SEL1L2: variants seen among roughly 807,000 people sequenced by gnomAD.
SEL1L2 encodes the protein SEL1L2 adaptor subunit of SYVN1 ubiquitin ligase.
SEL1L2 carries 89 observed loss-of-function variants against 98.8 expected under a neutral mutation model. That is an observed-to-expected ratio of 0.90 (90% confidence interval 0.76 to 1.07). The LOEUF (loss-of-function observed/expected upper bound fraction) is 1.07. SEL1L2 is among the 50% of genes least tolerant of loss of function. The pLI is 0.00. For missense variants in SEL1L2, 788 were observed against 812.0 expected, an observed-to-expected ratio of 0.97 and a Z score of 0.36; for synonymous variants, 262 against 278.5, an observed-to-expected ratio of 0.94 and a Z score of 0.59.
chr20:13,980,466 C>T lies in SEL1L2; in HGVS notation c.58+10011G>A, dbSNP rs190204954. 2.8e-4 allele frequency among the ~76,000 whole-genome samples: 42 copies of T among 152,198 alleles called. 1 individual carries two copies. The East Asian group carries it at 3.5e-3, about 13-fold the overall frequency. On this transcript the variant is annotated intron_variant, in intron 1 of 19. Coordinates refer to ENST00000284951, the MANE Select transcript of SEL1L2 (RefSeq NM_025229.2). Reference sequence around the variant, plus strand: ...CAGGTGATCCACCTGCCTCGGCCTCCCAGAGTGCTGGGATTACAGGTGTGA... The same window carrying T: ...CAGGTGATCCACCTGCCTCGGCCTCTCAGAGTGCTGGGATTACAGGTGTGA...
intron 5 of SEL1L2, among the ~76,000 whole-genome samples, chr20:13,905,505 A>G (rs558850118): frequency 1.1e-3 from 168 of 151,984 alleles, no homozygotes; most frequent in Non-Finnish European, 2.1e-3. Flanking sequence ...TAGTAGAGAC[A>G]GGGTTTCACC....
chr20:13,974,955 T>C (rs1023762462), intron 1 of SEL1L2, among the ~76,000 whole-genome samples: 18 of 152,300 alleles, frequency 1.2e-4, no homozygotes, highest in African/African-American at 4.3e-4. Flanking sequence ...TTTTTCTCCC[T>C]AAATCTCTCA....
intron 1 of SEL1L2, among the ~76,000 whole-genome samples, chr20:13,961,002 A>T (rs763975900): frequency 6.6e-6 from 1 of 152,228 alleles, no homozygotes; most frequent in African/African-American, 2.4e-5. Flanking sequence ...CAGCTCTAGA[A>T]TTATAGCTCT....
intron 14 of SEL1L2, among the ~76,000 whole-genome samples, chr20:13,867,859 C>G (rs1038842051): frequency 6.6e-5 from 10 of 152,124 alleles, no homozygotes; most frequent in Non-Finnish European, 1.3e-4. Context: ...CAACCTCAAC[C>G]CCCCAAGATA....
At chr20:13,870,509 T>C (rs1279401989) in intron 12 of SEL1L2, among the ~76,000 whole-genome samples, 2 of 152,172 alleles carry the variant, frequency 1.3e-5, no homozygotes, top group African/African-American at 4.8e-5. Context: ...AGGTAAAAGA[T>C]GAAGAAGCCA....
intron 2 of SEL1L2, among the ~76,000 whole-genome samples, chr20:13,939,662 ATTCTTTTT>A (rs2049651254): frequency 6.4e-5 from 1 of 15,510 alleles, no homozygotes; most frequent in South Asian, 6.3e-3. Flanking sequence ...AAACACCCTT[ATTCTTTTT>A]TTTTTTTTTT....
In SEL1L2 at chr20:13,866,867, T is replaced by A. The variant is rs1991127537; in HGVS notation, c.1256-17A>T. The A allele has an allele frequency of 6.3e-7, 1 of 1,597,210 alleles. No homozygotes were observed. Among genetic ancestry groups the A allele is most frequent in the Non-Finnish European group, 8.5e-7 (1 of 1,174,008 alleles). On this transcript the variant is annotated splice_polypyrimidine_tract_variant and intron_variant, in intron 14 of 19. Transcript: ENST00000284951. ...CAGAGCCAGCTGAAAATTAAAATTG[T>A]TTTGAGCCACCCCTTATTGACTTTA...
intron 5 of SEL1L2, among the ~76,000 whole-genome samples, chr20:13,893,230 C>T (rs1038331959): frequency 4.6e-5 from 7 of 152,128 alleles, no homozygotes; most frequent in Admixed American, 4.6e-4. Flanking sequence ...GGTCACACTT[C>T]GATTTTGCAC....
chr20:13,980,330 C>T (rs968358779), intron 1 of SEL1L2, among the ~76,000 whole-genome samples: 13 of 152,216 alleles, frequency 8.5e-5, no homozygotes, highest in African/African-American at 3.1e-4. Context: ...ATTCTCCTGC[C>T]TCAGGCTCCC....
intron 5 of SEL1L2, among the ~76,000 whole-genome samples, chr20:13,890,768 C>T (rs542715201): frequency 6.6e-6 from 1 of 151,844 alleles, no homozygotes; most frequent in South Asian, 2.1e-4. Context: ...ATAAAGAAAA[C>T]AAAATCTGGA....
At chr20:13,969,910 C>T (rs546181713) in intron 1 of SEL1L2, among the ~76,000 whole-genome samples, 4 of 152,116 alleles carry the variant, frequency 2.6e-5, no homozygotes, top group Non-Finnish European at 5.9e-5. Context: ...ACCCATCATC[C>T]GTTCTTGGTA....
chr20:13,981,325 G>A lies in SEL1L2; in HGVS notation c.58+9152C>T, dbSNP rs149011043. Among the ~76,000 whole-genome samples, 736 of 152,272 alleles carry A rather than the reference G, an allele frequency of 4.8e-3. 5 individuals carry two copies. Among genetic ancestry groups the A allele is most frequent in the African/African-American group, 0.017 (691 of 41,558 alleles). On this transcript the variant is annotated intron_variant, in intron 1 of 19. Coordinates refer to ENST00000284951, the MANE Select transcript of SEL1L2 (RefSeq NM_025229.2). ...GGGAGGGGGGTGTGGGGAATGGGGA[G>A]AGGTTGGTCAAAGAGTACAGTTTCA...
intron 2 of SEL1L2, among the ~76,000 whole-genome samples, chr20:13,945,827 G>A (rs1026206459): frequency 1.3e-5 from 2 of 151,876 alleles, no homozygotes; most frequent in African/African-American, 4.8e-5. Context: ...AAATGAAAGA[G>A]GAGAAAAGCA....
intron 2 of SEL1L2, among the ~76,000 whole-genome samples, chr20:13,945,236 C>T (rs1192582276): frequency 2.0e-5 from 3 of 152,124 alleles, no homozygotes; most frequent in Non-Finnish European, 1.5e-5. Context: ...GTTTGGTGCT[C>T]AAAATCAGTT....
At chr20:13,906,449 T>C (rs2047933504) in intron 5 of SEL1L2, among the ~76,000 whole-genome samples, 1 of 152,194 alleles carries the variant, frequency 6.6e-6, no homozygotes, top group Admixed American at 6.5e-5. Flanking sequence ...TCATTACTTT[T>C]AGCTCAAATT....
intron 5 of SEL1L2, among the ~76,000 whole-genome samples, chr20:13,890,703 C>A (rs961468793): frequency 6.6e-6 from 1 of 151,912 alleles, no homozygotes; most frequent in Non-Finnish European, 1.5e-5. Flanking sequence ...TAATGACTTA[C>A]CTAACAAATA....
At chr20:13,859,149 C>T in intron 18 of SEL1L2, 113 bp downstream of exon 18, 2 of 970,696 alleles carry the variant, frequency 2.1e-6, no homozygotes, top group Non-Finnish European at 1.6e-6. Context: ...AATGTTAAGT[C>T]CTCTCCTTCC....
chr20:13,885,162 T>C (rs1470740444), intron 10 of SEL1L2, among the ~76,000 whole-genome samples, 185 bp downstream of exon 10: 2 of 152,132 alleles, frequency 1.3e-5, no homozygotes, highest in Non-Finnish European at 2.9e-5. Flanking sequence ...GGCAGGTGGG[T>C]AAGTGCTCCC....
intron 4 of SEL1L2, chr20:13,915,038 T>A (rs1568959488): frequency 8.6e-7 from 1 of 1,165,246 alleles, no homozygotes; most frequent in Non-Finnish European, 1.1e-6. Flanking sequence ...AACTTCTACC[T>A]GTGACCTTGA....
Sources: allele counts gnomAD v4.1 joint callset (sites outside exome capture counted in the v4.1 genomes callset), GRCh38; gene constraint gnomAD v4.1.1; transcripts MANE v1.5; gene names NCBI Gene and HGNC (gene_info 2026-07-23, HGNC 2026-07-21).